The following SEC24C variants were observed in gnomAD, a reference collection of about 807,000 sequenced individuals.
SEC24C encodes protein transport protein Sec24C.
In SEC24C, 22 loss-of-function variants were observed where a neutral mutation model predicts 117.0. The ratio of observed to expected loss-of-function variants is 0.19; its 90% CI spans 0.13 to 0.27. The LOEUF is 0.27. Among genes scored for constraint, SEC24C ranks in the 10% least tolerant of loss-of-function variants. The pLI, the probability that SEC24C is intolerant of heterozygous loss-of-function variation, is 1.00. For missense variants in SEC24C, 1,155 were observed against 1,375.1 expected, an observed-to-expected ratio of 0.84 and a Z score of 2.53; for synonymous variants, 506 against 529.4, an observed-to-expected ratio of 0.96 and a Z score of 0.61.
Position 73,760,839 on chromosome 10 carries a change from T to C in SEC24C, c.977T>C (p.Ile326Thr). 6.2e-7 allele frequency: 1 copy of C among 1,610,726 alleles called. No individual in the cohort carries two copies. Among genetic ancestry groups the C allele is most frequent in the Non-Finnish European group, 8.5e-7 (1 of 1,178,900 alleles). ...CCTAAGCGCCTGGACCCTGATGCCATCCCAAGCCCTGTAAGTAGAAACTTT... is the reference window on the plus strand; with the variant it reads ...CCTAAGCGCCTGGACCCTGATGCCACCCCAAGCCCTGTAAGTAGAAACTTT... ...LPPKRLDPDA[I>T]PSPIQVIEDD... The change falls in exon 6 of 23, where the codon ATC (isoleucine) becomes ACC (threonine). Residue 326 changes from isoleucine to threonine, a missense_variant. Physicochemically the swap from Ile to Thr is moderately conservative, Grantham distance 89 (BLOSUM62 -1). Transcript: ENST00000345254.
At chr10:73,755,092 C>T (rs1054269014) in intron 3 of SEC24C, among the ~76,000 whole-genome samples, 7 of 151,696 alleles carry the variant, frequency 4.6e-5, no homozygotes, top group South Asian at 2.1e-4. Context: ...GAAATCGCAC[C>T]GCTGCACTCC....
intron 3 of SEC24C, among the ~76,000 whole-genome samples, chr10:73,757,700 T>TGAGAGGATTGATTGAGCCC (rs67408115): frequency 4.1e-4 from 62 of 150,362 alleles, no homozygotes; most frequent in African/African-American, 1.5e-3. Flanking sequence ...GAAGCCGGGG[T>TGAGAGGATTGATTGAGCCC]AGGAGTTCAA....
Position 73,769,738 on chromosome 10 carries a change from G to A in SEC24C, c.2682+5G>A, listed in dbSNP as rs1283149545. The A allele has an allele frequency of 1.9e-6, 3 of 1,614,060 alleles. No individual in the cohort carries two copies. Among genetic ancestry groups the A allele is most frequent in the Non-Finnish European group, 2.5e-6 (3 of 1,179,912 alleles). On this transcript the variant is annotated splice_donor_5th_base_variant and intron_variant, in intron 19 of 22. Transcript: ENST00000345254. The surrounding 1 kb of genome is among the most constrained non-coding windows in gnomAD (Gnocchi z 4.5). Reference sequence around the variant, plus strand: ...AGCCCCTCCTCTGCAGGACAGGTGGGGCAAGTATATTAGTGGGAGGTGGGG... The same window carrying A: ...AGCCCCTCCTCTGCAGGACAGGTGGAGCAAGTATATTAGTGGGAGGTGGGG...
At chr10:73,749,662 G>A (rs1332187791) in intron 2 of SEC24C, among the ~76,000 whole-genome samples, 2 of 151,486 alleles carry the variant, frequency 1.3e-5, no homozygotes, top group African/African-American at 4.9e-5. Flanking sequence ...TCCTGTCTCA[G>A]CCTCCCGAAT....
At chr10:73,768,115 G>A in intron 15 of SEC24C, 108 bp downstream of exon 15, 1 of 1,040,426 alleles carries the variant, frequency 9.6e-7, no homozygotes, top group Non-Finnish European at 1.4e-6. Flanking sequence ...CAGGCACGGT[G>A]CCTCACACCT....
At chr10:73,752,344 A>G (rs1471868231) in intron 3 of SEC24C, among the ~76,000 whole-genome samples, 1 of 152,112 alleles carries the variant, frequency 6.6e-6, no homozygotes, top group Non-Finnish European at 1.5e-5. Context: ...GCTGATCTCA[A>G]AACTCCTGAG....
Position 73,771,180 on chromosome 10 carries a change from T to G in SEC24C, c.*85T>G. On this transcript the variant is annotated 3_prime_UTR_variant, in exon 23 of 23. Coordinates refer to ENST00000345254, the MANE Select transcript of SEC24C (RefSeq NM_198597.3). ...AGAGAAATTGGGACAGTAACATATC[T>G]TATGTAAGCTGACCTCAGTCTCTCT... 6.8e-7 allele frequency: 1 copy of G among 1,478,964 alleles called. No homozygotes were observed. The highest frequency in any genetic ancestry group is 9.2e-7 in the Non-Finnish European group (1 of 1,086,048). 91.6% of individuals were successfully genotyped at this position (1,478,964 alleles called of 1,614,324 possible). A position where few individuals can be genotyped will look rare whatever the true frequency, so the allele number is the denominator to read the frequency against.
chr10:73,767,286 G>C (rs148044799), intron 14 of SEC24C, 116 bp downstream of exon 14: 1 of 678,448 alleles, frequency 1.5e-6, no homozygotes, highest in Admixed American at 2.6e-5. Context: ...TACCATATCT[G>C]TGACTGCCAA....
chr10:73,748,410 C>G (rs530047179), intron 2 of SEC24C, among the ~76,000 whole-genome samples: 1 of 151,506 alleles, frequency 6.6e-6, no homozygotes, highest in South Asian at 2.1e-4. Context: ...GCTGACATTA[C>G]AGGCATGAGC....
At chr10:73,751,065 A>G (rs1330037966) in intron 2 of SEC24C, 43 bp from the exon 3 acceptor site, 1 of 1,591,412 alleles carries the variant, frequency 6.3e-7, no homozygotes, top group Admixed American at 1.7e-5. Flanking sequence ...GGTGGAGGAG[A>G]AAGTTATTTC....
intron 4 of SEC24C, 58 bp downstream of exon 4, chr10:73,759,852 G>A: frequency 6.7e-6 from 10 of 1,499,460 alleles, no homozygotes; most frequent in Non-Finnish European, 8.9e-6. Context: ...ATCAGACTCT[G>A]GGGTTATACC....
Position 73,760,347 on chromosome 10 carries a change from C to T in SEC24C, c.811C>T (p.His271Tyr), listed in dbSNP as rs751529358. The T allele has an allele frequency of 6.8e-6, 11 of 1,607,546 alleles. No homozygotes were observed. The South Asian group carries it at 1.1e-4, about 16-fold the overall frequency. ...TGPLGPLPPMHSPQQPGYQPQ... is the reference protein window; with the variant it reads ...TGPLGPLPPMYSPQQPGYQPQ... ...GCCCCTGGGACCACTGCCACCTATGCACTCCCCGCAGCAGCCAGGCTATCA... is the reference window on the plus strand; with the variant it reads ...GCCCCTGGGACCACTGCCACCTATGTACTCCCCGCAGCAGCCAGGCTATCA... Residue 271 changes from histidine (H) to tyrosine (Y), a missense_variant, in exon 5 of 23, where the codon CAC becomes TAC. By Grantham distance (83) the His-to-Tyr change is moderately conservative. Coordinates refer to ENST00000345254, the MANE Select transcript of SEC24C (RefSeq NM_198597.3).
At position 73,763,616 on chromosome 10, in the gene SEC24C, A is replaced by G; in HGVS notation, c.1099+15A>G. Reference sequence around the variant, plus strand: ...GAAAGACCAAGGTGAGAATGGAATTAGCTCCTCCCACAGGGGCTTTTTCTT... The same window carrying G: ...GAAAGACCAAGGTGAGAATGGAATTGGCTCCTCCCACAGGGGCTTTTTCTT... On this transcript the variant is annotated intron_variant, in intron 7 of 22. Transcript: ENST00000345254. The G allele has an allele frequency of 7.6e-7, 1 of 1,321,692 alleles. No homozygotes were observed. The highest frequency in any genetic ancestry group is 1.0e-6 in the Non-Finnish European group (1 of 973,094). 81.9% of individuals were successfully genotyped at this position (1,321,692 alleles called of 1,614,324 possible).
intron 2 of SEC24C, among the ~76,000 whole-genome samples, chr10:73,747,655 A>ATTTT (rs774177202): frequency 2.4e-4 from 20 of 83,998 alleles, no homozygotes; most frequent in Non-Finnish European, 3.9e-4. Flanking sequence ...CCTGGCCTGT[A>ATTTT]TTTTTTTTTT....
chr10:73,766,172 C>T lies in SEC24C; in HGVS notation c.1569C>T (p.Leu523=), dbSNP rs1174426645. The change falls in exon 11 of 23, where the codon CTC becomes CTT. Residue 523 remains leucine, a synonymous_variant. Coordinates refer to ENST00000345254, the MANE Select transcript of SEC24C (RefSeq NM_198597.3). ...TCAGGACTGGTCTTGTTAGGCTCCT[C>T]TGTGAGGAGCTCAAGTCACTGTTAG... ...NAIRTGLVRL[L]CEELKSLLDF... The T allele has an allele frequency of 2.5e-6, 4 of 1,613,786 alleles. No individual in the cohort carries two copies. Among genetic ancestry groups the T allele is most frequent in the Non-Finnish European group, 2.5e-6 (3 of 1,179,952 alleles).
At chr10:73,750,019 T>C (rs2082621972) in intron 2 of SEC24C, among the ~76,000 whole-genome samples, 2 of 152,158 alleles carry the variant, frequency 1.3e-5, no homozygotes, top group African/African-American at 4.8e-5. Flanking sequence ...ACTGGTAAGA[T>C]TTGGGAAATA....
At chr10:73,748,011 T>G (rs1270247166) in intron 2 of SEC24C, among the ~76,000 whole-genome samples, 1 of 152,092 alleles carries the variant, frequency 6.6e-6, no homozygotes, top group Non-Finnish European at 1.5e-5. Context: ...AGGAAGGTCT[T>G]GAAGAACTGC....
Position 73,765,895 on chromosome 10 carries a change from G to T in SEC24C, c.1462G>T (p.Ala488Ser), listed in dbSNP as rs764215279. 6.2e-7 allele frequency: 1 copy of T among 1,613,984 alleles called. No homozygotes were observed. Among genetic ancestry groups the T allele is most frequent in the Non-Finnish European group, 8.5e-7 (1 of 1,179,888 alleles). Residue 488 changes from alanine to serine, a missense_variant, in exon 10 of 23, where the codon GCC becomes TCC. Ala to Ser is a moderately conservative substitution (Grantham distance 99). Transcript: ENST00000345254. ...ELSLGSYEFL[A>S]TVDYCKNNKF... ...ATCCCTGGGCTCTTATGAATTCTTG[G>T]CCACTGTAGATTACTGCAAGGTGAG...
chr10:73,745,168 C>G (rs1167842282), intron 1 of SEC24C, among the ~76,000 whole-genome samples: 1 of 152,124 alleles, frequency 6.6e-6, no homozygotes, highest in Non-Finnish European at 1.5e-5. Context: ...TTCTGGGCCC[C>G]TTCTGTCTAC....
Sources: allele counts gnomAD v4.1 joint callset (sites outside exome capture counted in the v4.1 genomes callset), GRCh38; gene constraint gnomAD v4.1.1; non-coding constraint Gnocchi (gnomAD v3.1); transcripts MANE v1.5; gene names NCBI Gene and HGNC (gene_info 2026-07-23, HGNC 2026-07-21).